CDH18: variants seen among roughly 807,000 people sequenced by gnomAD.
The protein encoded by CDH18 is cadherin-18.
Under a neutral mutation model 67.9 loss-of-function variants are expected in CDH18, and 31 were observed. That is an observed-to-expected ratio of 0.46 (90% CI 0.34 to 0.62). CDH18 has a LOEUF of 0.62. CDH18 is among the 20% of genes least tolerant of loss of function. The probability of loss-of-function intolerance (pLI) is 0.01; values close to 1 mark genes in which losing one functional copy is unlikely to be tolerated. For synonymous variants in CDH18, 362 were observed against 347.2 expected (o/e 1.04, Z -0.48); for missense variants, 890 against 975.5 (o/e 0.91, Z 1.17).
chr5:20,337,582 A>T (rs755111014), intron 1 of CDH18, among the ~76,000 whole-genome samples: 3 of 152,124 alleles, frequency 2.0e-5, no homozygotes, highest in Non-Finnish European at 4.4e-5. Flanking sequence ...CCTCATCTCC[A>T]TCTGAGACCA....
intron 1 of CDH18, among the ~76,000 whole-genome samples, chr5:19,982,958 C>A (rs961146225): frequency 4.9e-5 from 7 of 142,446 alleles, no homozygotes; most frequent in African/African-American, 1.8e-4. Context: ...GCAGGAGAAT[C>A]GCTTGAACCT....
At chr5:19,497,033 C>G (rs1227626397) in intron 11 of CDH18, among the ~76,000 whole-genome samples, 1 of 151,804 alleles carries the variant, frequency 6.6e-6, no homozygotes, top group Admixed American at 6.6e-5. Flanking sequence ...TCCACTATAG[C>G]AGCACAAAAC....
intron 1 of CDH18, among the ~76,000 whole-genome samples, chr5:20,566,374 T>A (rs1388014626): frequency 1.3e-5 from 2 of 148,404 alleles, no homozygotes; most frequent in Non-Finnish European, 3.0e-5. Context: ...TTTTTTTTTT[T>A]TTTTGAGATA....
chr5:19,950,357 T>C (rs946874621), intron 2 of CDH18, among the ~76,000 whole-genome samples: 1 of 151,940 alleles, frequency 6.6e-6, no homozygotes, highest in African/African-American at 2.4e-5. Context: ...ATAATGGACT[T>C]TAGGTATTCA....
intron 8 of CDH18, among the ~76,000 whole-genome samples, chr5:19,570,835 C>T (rs1166671512): frequency 1.3e-5 from 2 of 152,092 alleles, no homozygotes; most frequent in Non-Finnish European, 2.9e-5. Context: ...TGTGTTAAGT[C>T]CTTTAATCTA....
At chr5:19,654,183 A>G (rs991812714) in intron 5 of CDH18, among the ~76,000 whole-genome samples, 2 of 152,194 alleles carry the variant, frequency 1.3e-5, no homozygotes, top group Non-Finnish European at 2.9e-5. Context: ...TTTTAAAAAT[A>G]GAATGGGTGC....
chr5:20,058,381 C>A (rs1036234637), intron 2 of CDH18, among the ~76,000 whole-genome samples: 2 of 152,006 alleles, frequency 1.3e-5, no homozygotes, highest in African/African-American at 4.8e-5. Context: ...TTAAGTAGCA[C>A]AGTTAATTTA....
At chr5:19,514,061 T>G (rs1184105305) in intron 10 of CDH18, among the ~76,000 whole-genome samples, 3 of 152,178 alleles carry the variant, frequency 2.0e-5, no homozygotes, top group Admixed American at 1.3e-4. Flanking sequence ...GTGTTTTCAT[T>G]GTCCAATTCC....
chr5:20,113,787 C>T (rs537630072), intron 2 of CDH18, among the ~76,000 whole-genome samples: 5 of 152,164 alleles, frequency 3.3e-5, no homozygotes, highest in African/African-American at 7.2e-5. Flanking sequence ...CAAAAGCTAG[C>T]GCAAGTCCAG....
intron 6 of CDH18, among the ~76,000 whole-genome samples, chr5:19,594,661 T>C (rs2150041932): frequency 6.6e-6 from 1 of 152,320 alleles, no homozygotes; most frequent in Non-Finnish European, 1.5e-5. Context: ...AGCTTTGTTC[T>C]TCTTTTTCAA....
chr5:20,537,909 G>A (rs1756820463), intron 1 of CDH18, among the ~76,000 whole-genome samples: 1 of 152,182 alleles, frequency 6.6e-6, no homozygotes, highest in African/African-American at 2.4e-5. Context: ...CCACACAGGT[G>A]AGGATTATGA....
intron 5 of CDH18, among the ~76,000 whole-genome samples, chr5:19,618,050 C>G (rs1750114279): frequency 6.6e-6 from 1 of 152,102 alleles, no homozygotes; most frequent in African/African-American, 2.4e-5. Context: ...CCACAGAAGA[C>G]TGCAAAATAA....
chr5:19,890,462 A>C (rs1788668214), intron 2 of CDH18, among the ~76,000 whole-genome samples: 1 of 152,142 alleles, frequency 6.6e-6, no homozygotes, highest in Non-Finnish European at 1.5e-5. Flanking sequence ...GTCTTGTTGA[A>C]TATATAAATG....
intron 1 of CDH18, among the ~76,000 whole-genome samples, chr5:20,330,423 A>C (rs1375613012): frequency 6.6e-6 from 1 of 152,130 alleles, no homozygotes; most frequent in Non-Finnish European, 1.5e-5. Context: ...TAAAATAATA[A>C]TTGGTCCCAG....
At chr5:20,328,176 C>T (rs967436765) in intron 1 of CDH18, among the ~76,000 whole-genome samples, 7 of 151,986 alleles carry the variant, frequency 4.6e-5, no homozygotes, top group Non-Finnish European at 8.8e-5. Flanking sequence ...TGTGATGACA[C>T]GTTATGGGAG....
At chr5:19,639,978 C>A (rs1428892395) in intron 5 of CDH18, among the ~76,000 whole-genome samples, 1 of 152,112 alleles carries the variant, frequency 6.6e-6, no homozygotes. Flanking sequence ...ATGCAAAATA[C>A]TGAAAGAGAA....
intron 3 of CDH18, among the ~76,000 whole-genome samples, chr5:19,838,189 G>T (rs1195327311): frequency 6.6e-6 from 1 of 151,792 alleles, no homozygotes; most frequent in African/African-American, 2.4e-5. Context: ...ATGTTTTTAT[G>T]AAAATTAACT....
intron 1 of CDH18, among the ~76,000 whole-genome samples, chr5:20,374,686 C>G (rs1030469140): frequency 6.6e-6 from 1 of 152,092 alleles, no homozygotes; most frequent in African/African-American, 2.4e-5. Flanking sequence ...AATAAAACTT[C>G]AGGGAAAGAG....
chr5:19,548,084 T>C (rs1736655291), intron 8 of CDH18, among the ~76,000 whole-genome samples: 1 of 152,186 alleles, frequency 6.6e-6, no homozygotes, highest in African/African-American at 2.4e-5. Flanking sequence ...AGTAAATTAC[T>C]TTTCAAATAA....
Sources: gnomAD v4.1 joint callset for allele counts (sites outside exome capture counted in the v4.1 genomes callset) on GRCh38, gnomAD v4.1.1 for gene constraint, MANE v1.5 for transcripts, NCBI Gene and HGNC (gene_info 2026-07-23, HGNC 2026-07-21) for gene names.